PCDH15: variants seen among roughly 807,000 people sequenced by gnomAD.
The protein encoded by PCDH15 is protocadherin related 15.
In PCDH15, 129 loss-of-function variants were observed where a neutral mutation model predicts 178.5. The ratio of observed to expected loss-of-function variants is 0.72; its 90% CI spans 0.63 to 0.84. The LOEUF (loss-of-function observed/expected upper bound fraction) is 0.84, where lower values mean the gene tolerates loss of function less well. Among genes scored for constraint, PCDH15 ranks in the 40% least tolerant of loss-of-function variants. The pLI, the probability that PCDH15 is intolerant of heterozygous loss-of-function variation, is 0.00. For synonymous variants in PCDH15, 800 were observed against 732.0 expected (o/e 1.09, Z -1.50); for missense variants, 2,230 against 2,099.9 (o/e 1.06, Z -1.21).
At position 53,808,967 on chromosome 10, in the gene PCDH15, G is replaced by A. The variant is rs375319155; in HGVS notation, c.4671+1589C>T. 4 of 1,558,862 alleles carry A rather than the reference G, an allele frequency of 2.6e-6. No homozygotes were observed. The African/African-American group carries it at 4.1e-5, about 16-fold the overall frequency. On this transcript the variant is annotated intron_variant, in intron 37 of 37. Transcript: ENST00000644397. ...GGTCCACTTTCTTCTTCTTCTGAGT[G>A]TTCTTCTTCTTCCATCTTAGGTTCT...
intron 2 of PCDH15, among the ~76,000 whole-genome samples, chr10:55,510,449 A>C (rs546785955): frequency 1.1e-4 from 16 of 151,992 alleles, no homozygotes; most frequent in South Asian, 4.1e-4. Context: ...GTGTAAAGTC[A>C]CTAGCTAACG....
intron 25 of PCDH15, among the ~76,000 whole-genome samples, chr10:53,926,739 A>G (rs2133937926): frequency 6.6e-6 from 1 of 152,298 alleles, no homozygotes; most frequent in South Asian, 2.1e-4. Context: ...ATTGCTTCAA[A>G]TGTTTTGCAG....
chr10:54,620,442 G>A (rs1365838553), intron 2 of PCDH15, among the ~76,000 whole-genome samples: 1 of 151,762 alleles, frequency 6.6e-6, no homozygotes, highest in Non-Finnish European at 1.5e-5. Flanking sequence ...AAGCTTTCAG[G>A]GGAAATGATC....
chr10:54,996,984 C>T (rs777209177), intron 2 of PCDH15, among the ~76,000 whole-genome samples: 1 of 151,834 alleles, frequency 6.6e-6, no homozygotes, highest in Non-Finnish European at 1.5e-5. Flanking sequence ...TGGCGGGCGC[C>T]TGCAATCCTA....
intron 25 of PCDH15, among the ~76,000 whole-genome samples, chr10:53,915,590 C>T (rs371908698): frequency 2.0e-5 from 3 of 152,112 alleles, no homozygotes; most frequent in African/African-American, 4.8e-5. Context: ...GAGACAGTCT[C>T]GCTCTGTCAT....
At chr10:55,126,197 A>T (rs972987246) in intron 2 of PCDH15, among the ~76,000 whole-genome samples, 1 of 151,782 alleles carries the variant, frequency 6.6e-6, no homozygotes, top group Non-Finnish European at 1.5e-5. Context: ...TTCTTCTCTC[A>T]CACCATTGCT....
intron 3 of PCDH15, among the ~76,000 whole-genome samples, chr10:54,391,914 T>C (rs1366019012): frequency 2.0e-5 from 3 of 152,192 alleles, no homozygotes; most frequent in East Asian, 3.9e-4. Flanking sequence ...CAATGGGATA[T>C]AGATTCGGGA....
intron 18 of PCDH15, among the ~76,000 whole-genome samples, chr10:54,039,249 G>A (rs2093486187): frequency 6.6e-6 from 1 of 151,972 alleles, no homozygotes; most frequent in Admixed American, 6.6e-5. Context: ...GGTAGGGGAT[G>A]CTGCTATAAC....
chr10:54,423,095 C>T (rs1955758785), intron 3 of PCDH15, among the ~76,000 whole-genome samples: 1 of 151,896 alleles, frequency 6.6e-6, no homozygotes, highest in Non-Finnish European at 1.5e-5. Flanking sequence ...TGGCTTTTTG[C>T]TCTTCTAAGT....
chr10:55,464,195 T>G (rs1839778932), intron 2 of PCDH15, among the ~76,000 whole-genome samples: 1 of 152,058 alleles, frequency 6.6e-6, no homozygotes, highest in South Asian at 2.1e-4. Flanking sequence ...TACACATCAC[T>G]AAGTGTACTA....
At chr10:54,054,722 A>G (rs866304231) in intron 18 of PCDH15, among the ~76,000 whole-genome samples, 48 of 152,302 alleles carry the variant, frequency 3.2e-4, no homozygotes, top group African/African-American at 1.1e-3. Context: ...ACATGACCAC[A>G]TTTCAAAAAT....
chr10:55,032,237 G>T (rs1840630059), intron 2 of PCDH15, among the ~76,000 whole-genome samples: 1 of 152,260 alleles, frequency 6.6e-6, no homozygotes, highest in South Asian at 2.1e-4. Flanking sequence ...TGTAGAAAAG[G>T]CTATCCTGGT....
chr10:54,081,311 A>AATAC (rs71007806), intron 16 of PCDH15, among the ~76,000 whole-genome samples: 2 of 150,724 alleles, frequency 1.3e-5, no homozygotes, highest in African/African-American at 4.9e-5. Flanking sequence ...TAGTATTTGG[A>AATAC]ATATATATGT....
At chr10:54,738,320 T>G (rs887930822) in intron 1 of PCDH15, among the ~76,000 whole-genome samples, 3 of 152,112 alleles carry the variant, frequency 2.0e-5, no homozygotes, top group African/African-American at 7.2e-5. Context: ...AACAGAGATA[T>G]GGAAATAAAT....
At chr10:54,576,104 T>C (rs1462377544) in intron 2 of PCDH15, among the ~76,000 whole-genome samples, 2 of 148,836 alleles carry the variant, frequency 1.3e-5, no homozygotes, top group South Asian at 2.2e-4. Flanking sequence ...TACATTTAAA[T>C]TATCATTTAT....
chr10:54,852,712 G>T (rs757684534), intron 3 of PCDH15, among the ~76,000 whole-genome samples: 2 of 151,674 alleles, frequency 1.3e-5, no homozygotes, highest in Non-Finnish European at 2.9e-5. Flanking sequence ...AATTAGCAGG[G>T]TGTGGTGGTA....
At chr10:55,518,700 A>C (rs1417127216) in intron 2 of PCDH15, among the ~76,000 whole-genome samples, 1 of 152,044 alleles carries the variant, frequency 6.6e-6, no homozygotes, top group Non-Finnish European at 1.5e-5. Context: ...AGGAAGATGT[A>C]TGCAGACAGA....
intron 2 of PCDH15, among the ~76,000 whole-genome samples, chr10:55,133,349 T>A (rs892098655): frequency 7.2e-5 from 11 of 152,128 alleles, no homozygotes; most frequent in African/African-American, 2.7e-4. Flanking sequence ...GAGAAATCAT[T>A]CCTTAAATTC....
intron 2 of PCDH15, among the ~76,000 whole-genome samples, chr10:55,504,333 ATAAAGT>A (rs1354100010): frequency 6.6e-6 from 1 of 151,534 alleles, no homozygotes; most frequent in African/African-American, 2.4e-5. Context: ...TGCTCTAAAA[ATAAAGT>A]TAATTATTTG....
Sources: gnomAD v4.1 joint callset for allele counts (sites outside exome capture counted in the v4.1 genomes callset) on GRCh38, gnomAD v4.1.1 for gene constraint, MANE v1.5 for transcripts, NCBI Gene and HGNC (gene_info 2026-07-23, HGNC 2026-07-21) for gene names.